HMGXB4: variants seen among roughly 807,000 people sequenced by gnomAD.
HMGXB4 encodes the protein HMG-box containing 4, also known as HMG domain-containing protein 4.
Under a neutral mutation model 63.9 loss-of-function variants are expected in HMGXB4, and 27 were observed. The ratio of observed to expected loss-of-function variants is 0.42; its 90% CI spans 0.31 to 0.58. HMGXB4 has a LOEUF of 0.58. Among genes scored for constraint, HMGXB4 ranks in the 20% least tolerant of loss-of-function variants. The probability of loss-of-function intolerance (pLI) is 0.13; values close to 1 mark genes in which losing one functional copy is unlikely to be tolerated. For missense variants in HMGXB4, 624 were observed against 700.7 expected, an observed-to-expected ratio of 0.89 and a Z score of 1.24; for synonymous variants, 264 against 265.3, an observed-to-expected ratio of 0.99 and a Z score of 0.05.
chr22:35,275,222 T>G (rs993179552), intron 5 of HMGXB4, among the ~76,000 whole-genome samples: 3 of 148,736 alleles, frequency 2.0e-5, no homozygotes, highest in South Asian at 4.2e-4. Context: ...CGGGTTTAAG[T>G]GATTCTCCTG....
chr22:35,243,593 G>C, the HMGXB4 span, among the ~76,000 whole-genome samples: 1 of 151,636 alleles, frequency 6.6e-6, no homozygotes, highest in African/African-American at 2.4e-5. Context: ...ACCCAGGCTG[G>C]AGTGCAGTGG....
upstream of HMGXB4, among the ~76,000 whole-genome samples, chr22:35,254,287 C>G (rs1922303285): frequency 6.6e-6 from 1 of 152,200 alleles, no homozygotes. Context: ...CAAACCCCAC[C>G]ATGACTAGGC....
intron 5 of HMGXB4, among the ~76,000 whole-genome samples, chr22:35,276,836 CTT>C (rs1321693456): frequency 2.0e-5 from 3 of 152,192 alleles, no homozygotes; most frequent in Non-Finnish European, 4.4e-5. Flanking sequence ...CAATGAAAAA[CTT>C]TAAAATAAAG....
upstream of HMGXB4, among the ~76,000 whole-genome samples, chr22:35,252,887 A>G (rs964932576): frequency 1.3e-5 from 2 of 152,206 alleles, no homozygotes; most frequent in African/African-American, 2.4e-5. Flanking sequence ...CTGTAATCCC[A>G]GCTCGGGAGG....
Position 35,285,217 on chromosome 22 carries a change from G to A in HMGXB4, c.1298-780G>A, listed in dbSNP as rs575994192. Among the ~76,000 whole-genome samples the A allele has an allele frequency of 3.3e-5, 5 of 152,256 alleles. No individual in the cohort carries two copies. In the East Asian group the frequency reaches 7.7e-4, roughly 23 times the overall value. On this transcript the variant is annotated intron_variant, in intron 6 of 10. Transcript: ENST00000216106. ...GCCCAGGAGTTTGAGAGCAGCTTGG[G>A]CAACATAACGAGACCTCATCTCTAC...
rs1485215032 is a variant in HMGXB4 at position 35,262,387 on chromosome 22, C to T, written c.-4C>T. On this transcript the variant is annotated 5_prime_UTR_variant, in exon 2 of 11. Transcript: ENST00000216106. ...CACATTCTCAAAGGCCCTGCAGGAC[C>T]ACCATGGCTTATGATGACTCCGTGA... is the stretch of plus-strand genomic sequence containing the variant. 1.2e-6 allele frequency: 2 copies of T among 1,613,994 alleles called. No homozygotes were observed. The highest frequency in any genetic ancestry group is 1.3e-5 in the African/African-American group (1 of 75,046).
chr22:35,268,000 C>T (rs528905394), intron 5 of HMGXB4, among the ~76,000 whole-genome samples: 1 of 152,328 alleles, frequency 6.6e-6, no homozygotes, highest in South Asian at 2.1e-4. Flanking sequence ...AGGAGAATCG[C>T]TTGAGCCCAG....
chr22:35,252,150 G>A, the HMGXB4 span, among the ~76,000 whole-genome samples: 2 of 152,326 alleles, frequency 1.3e-5, no homozygotes, highest in Non-Finnish European at 1.5e-5. Context: ...AGGAGGTGGA[G>A]GCTGCAGTAA....
Position 35,293,699 on chromosome 22 carries a change from T to C in HMGXB4, c.*48T>C, listed in dbSNP as rs764948775. The C allele has an allele frequency of 8.9e-6, 13 of 1,454,808 alleles. No individual in the cohort carries two copies. The highest frequency in any genetic ancestry group is 4.2e-5 in the African/African-American group (3 of 71,808). 90.1% of individuals were successfully genotyped at this position (1,454,808 alleles called of 1,614,324 possible). A position where few individuals can be genotyped will look rare whatever the true frequency, so the allele number is the denominator to read the frequency against. ...AACCTTATCCTACACCATTGCTGGT[T>C]TGTGTATATATGACTGTTGCAGATT... On this transcript the variant is annotated 3_prime_UTR_variant, in exon 11 of 11. Coordinates refer to ENST00000216106, the MANE Select transcript of HMGXB4 (RefSeq NM_001003681.3).
At position 35,263,203 on chromosome 22, in the gene HMGXB4, A is replaced by G. The variant is rs1480707571; in HGVS notation, c.157A>G (p.Asn53Asp). 4 of 1,613,084 alleles carry G rather than the reference A, an allele frequency of 2.5e-6. No homozygotes were observed. The highest frequency in any genetic ancestry group is 3.4e-6 in the Non-Finnish European group (4 of 1,179,622). ...GGAAGAAATTGCTGCTCAGGTCAGG[A>G]ATTCTTCCAAGAAGAAGTTGAAGGT... Reference protein sequence around the residue: ...EEEEIAAQVRNSSKKKLKDSE... With the variant: ...EEEEIAAQVRDSSKKKLKDSE... The change falls in exon 3 of 11, where the codon AAT becomes GAT. Residue 53 changes from asparagine (N) to aspartate (D), a missense_variant. By Grantham distance (23) the Asn-to-Asp change is conservative (BLOSUM62 1). Coordinates refer to ENST00000216106, the MANE Select transcript of HMGXB4 (RefSeq NM_001003681.3).
Position 35,288,383 on chromosome 22 carries a change from T to C in HMGXB4, c.1614T>C (p.Ile538=), listed in dbSNP as rs747826755. Reference sequence around the variant, plus strand: ...TGTTGGGAGAGTCCCTAAGCCTCATTGGACACCGTCTGCAGGAAACTGAGG... The same window carrying C: ...TGTTGGGAGAGTCCCTAAGCCTCATCGGACACCGTCTGCAGGAAACTGAGG... ...LQLLGESLSL[I]GHRLQETEGM... is the part of the protein sequence containing the mutation. The change falls in exon 9 of 11, where the codon ATT becomes ATC. Residue 538 remains isoleucine, a synonymous_variant. Coordinates refer to ENST00000216106, the MANE Select transcript of HMGXB4 (RefSeq NM_001003681.3). 2 of 1,605,052 alleles carry C rather than the reference T, an allele frequency of 1.2e-6. No homozygotes were observed.
intron 1 of HMGXB4, among the ~76,000 whole-genome samples, chr22:35,261,329 G>A (rs866539250): frequency 2.6e-5 from 4 of 151,934 alleles, no homozygotes; most frequent in South Asian, 4.2e-4. Context: ...TCAGCTACTC[G>A]GGAGGCTGAG....
the HMGXB4 span, among the ~76,000 whole-genome samples, chr22:35,245,790 A>G: frequency 6.6e-6 from 1 of 152,144 alleles, no homozygotes; most frequent in Admixed American, 6.5e-5. Flanking sequence ...GGGGTTCCTC[A>G]TTACTGCTGC....
At chr22:35,255,315 T>C (rs1029213993), upstream of HMGXB4, among the ~76,000 whole-genome samples, 1 of 150,500 alleles carries the variant, frequency 6.6e-6, no homozygotes, top group Non-Finnish European at 1.5e-5. Context: ...CTGGGCAACA[T>C]GGTAAAAAAA....
intron 1 of HMGXB4, among the ~76,000 whole-genome samples, chr22:35,259,034 A>G (rs184848098): frequency 1.1e-4 from 16 of 152,360 alleles, no homozygotes; most frequent in Admixed American, 2.0e-4. Context: ...ACAAAGTGCT[A>G]TATCTGAGGA....
At chr22:35,291,845 A>T (rs1234656221) in intron 9 of HMGXB4, among the ~76,000 whole-genome samples, 1 of 152,196 alleles carries the variant, frequency 6.6e-6, no homozygotes, top group Non-Finnish European at 1.5e-5. Flanking sequence ...TGAATTTGGA[A>T]TGTGACCTCA....
At chr22:35,246,345 G>A in the HMGXB4 span, among the ~76,000 whole-genome samples, 1 of 152,174 alleles carries the variant, frequency 6.6e-6, no homozygotes, top group Admixed American at 6.5e-5. Context: ...CACGATCTCG[G>A]CTCACTGCAA....
At chr22:35,269,661 G>T (rs957503387) in intron 5 of HMGXB4, among the ~76,000 whole-genome samples, 2 of 152,216 alleles carry the variant, frequency 1.3e-5, no homozygotes, top group East Asian at 1.9e-4. Flanking sequence ...GTTTATTTAT[G>T]ATCTAAATGA....
At chr22:35,253,325 T>C (rs1272810600), upstream of HMGXB4, among the ~76,000 whole-genome samples, 1 of 152,110 alleles carries the variant, frequency 6.6e-6, no homozygotes, top group Non-Finnish European at 1.5e-5. Context: ...TTCTTTTACA[T>C]TTGTACCATA....
Sources: gnomAD v4.1 joint callset for allele counts (sites outside exome capture counted in the v4.1 genomes callset) on GRCh38, gnomAD v4.1.1 for gene constraint, MANE v1.5 for transcripts, NCBI Gene and HGNC (gene_info 2026-07-23, HGNC 2026-07-21) for gene names.